The following LOC102723971 variants were observed in gnomAD, a reference collection of about 807,000 sequenced individuals.
chr9:135,619,885 A>G, the LOC102723971 span, among the ~76,000 whole-genome samples: 8 of 16,114 alleles, frequency 5.0e-4, no homozygotes, highest in East Asian at 2.1e-3. Flanking sequence ...CTTCTCCCCA[A>G]TCTCCCCCGT....
At chr9:135,616,417 G>A in the LOC102723971 span, among the ~76,000 whole-genome samples, 1 of 152,194 alleles carries the variant, frequency 6.6e-6, no homozygotes, top group African/African-American at 2.4e-5. Context: ...GGACGAGGCT[G>A]CCCTTGAGTC....
chr9:135,619,889 C>T, the LOC102723971 span, among the ~76,000 whole-genome samples: 2 of 110,242 alleles, frequency 1.8e-5, no homozygotes, highest in Admixed American at 1.8e-4. Flanking sequence ...TCCCCAATCT[C>T]CCCCGTCTCC....
At chr9:135,615,304 G>C in the LOC102723971 span, 1 of 397,046 alleles carries the variant, frequency 2.5e-6, no homozygotes, top group Non-Finnish European at 4.4e-6. Flanking sequence ...CATGTGGAGG[G>C]AGTGCCACAC....
At chr9:135,619,521 T>C in the LOC102723971 span, among the ~76,000 whole-genome samples, 1 of 152,094 alleles carries the variant, frequency 6.6e-6, no homozygotes, top group Non-Finnish European at 1.5e-5. Flanking sequence ...GTGGCCTCCA[T>C]GCTCCGTGAG....
chr9:135,619,703 C>T, the LOC102723971 span, among the ~76,000 whole-genome samples: 3 of 152,024 alleles, frequency 2.0e-5, no homozygotes, highest in Non-Finnish European at 4.4e-5. Context: ...TGAAGGGCGG[C>T]GCCCACTTCT....
chr9:135,616,479 C>T, the LOC102723971 span: 14 of 396,854 alleles, frequency 3.5e-5, no homozygotes, highest in African/African-American at 2.7e-4. Flanking sequence ...TGGTGGCAGC[C>T]ACAGTGTCCC....
the LOC102723971 span, among the ~76,000 whole-genome samples, chr9:135,615,080 C>T: frequency 2.6e-5 from 4 of 152,208 alleles, no homozygotes; most frequent in Admixed American, 1.3e-4. Flanking sequence ...GAAGGGGGAA[C>T]GTTTGCCAGT....
At chr9:135,616,035 T>G in the LOC102723971 span, among the ~76,000 whole-genome samples, 1 of 152,176 alleles carries the variant, frequency 6.6e-6, no homozygotes, top group African/African-American at 2.4e-5. Context: ...CGCTCAGTCG[T>G]AGACACACCG....
chr9:135,616,937 C>T, the LOC102723971 span: 4 of 398,424 alleles, frequency 1.0e-5, no homozygotes, highest in East Asian at 7.1e-5. Context: ...ACGTATGCTT[C>T]GTCAGCACCG....
At chr9:135,618,845 G>A in the LOC102723971 span, 2 of 398,498 alleles carry the variant, frequency 5.0e-6, no homozygotes, top group African/African-American at 4.1e-5. Flanking sequence ...GCTGTTTTGT[G>A]CTATGTGATT....
At chr9:135,615,150 C>A in the LOC102723971 span, among the ~76,000 whole-genome samples, 1 of 152,210 alleles carries the variant, frequency 6.6e-6, no homozygotes, top group Non-Finnish European at 1.5e-5. Context: ...AACCTGGGGC[C>A]TGAGAGCCCA....
At chr9:135,618,557 A>G in the LOC102723971 span, among the ~76,000 whole-genome samples, 11 of 152,090 alleles carry the variant, frequency 7.2e-5, no homozygotes, top group African/African-American at 2.4e-4. Context: ...TGGGGGCTAG[A>G]GCAAGGTTTG....
chr9:135,616,910 C>T, the LOC102723971 span: 1,073 of 398,558 alleles, frequency 2.7e-3, 6 homozygotes, highest in African/African-American at 0.019. Context: ...CTCCAACAGT[C>T]GAGGGCGGCA....
the LOC102723971 span, chr9:135,614,417 G>T: frequency 2.5e-6 from 1 of 395,546 alleles, no homozygotes; most frequent in South Asian, 1.3e-4. Flanking sequence ...ACATTGAGGA[G>T]GTGCAGGGGG....
chr9:135,616,802 G>A, the LOC102723971 span: 1 of 398,472 alleles, frequency 2.5e-6, no homozygotes, highest in Non-Finnish European at 4.4e-6. Context: ...AGGAAGCTGT[G>A]CATCCTCTTG....
the LOC102723971 span, among the ~76,000 whole-genome samples, chr9:135,617,241 C>T: frequency 0.021 from 3,253 of 152,312 alleles, 65 homozygotes; most frequent in African/African-American, 0.048. Flanking sequence ...CCATGCAGGA[C>T]GTGCACTGCG....
At chr9:135,615,694 C>T in the LOC102723971 span, among the ~76,000 whole-genome samples, 28 of 152,332 alleles carry the variant, frequency 1.8e-4, no homozygotes, top group South Asian at 4.3e-3. Context: ...CCGGAGGCAA[C>T]GTCCAGTCCC....
At chr9:135,617,729 G>T in the LOC102723971 span, among the ~76,000 whole-genome samples, 24,025 of 152,120 alleles carry the variant, frequency 0.16, 2,015 homozygotes, top group African/African-American at 0.19. Context: ...AGGAGGCAAG[G>T]TTGGGGCCGG....
At chr9:135,619,645 T>A in the LOC102723971 span, among the ~76,000 whole-genome samples, 1 of 152,098 alleles carries the variant, frequency 6.6e-6, no homozygotes, top group Non-Finnish European at 1.5e-5. Context: ...GCTGTACCTG[T>A]GTGGCAGGTG....
Sources: gnomAD v4.1 joint callset for allele counts (sites outside exome capture counted in the v4.1 genomes callset) on GRCh38, gnomAD v4.1.1 for gene constraint, MANE v1.5 for transcripts.